Variants in ST6GALNAC3 observed in about 807,000 individuals in gnomAD.
ST6GALNAC3 encodes the protein ST6 N-acetylgalactosaminide alpha-2,6-sialyltransferase 3, also known as alpha-N-acetylgalactosaminide alpha-2,6-sialyltransferase 3.
In ST6GALNAC3, 25 loss-of-function variants were observed where a neutral mutation model predicts 32.7. The ratio of observed to expected loss-of-function variants is 0.76; its 90% CI spans 0.56 to 1.07. ST6GALNAC3 has a LOEUF of 1.07. ST6GALNAC3 is among the 50% of genes least tolerant of loss of function. ST6GALNAC3 has a pLI of 0.00. For missense variants in ST6GALNAC3, 355 were observed against 382.4 expected, an observed-to-expected ratio of 0.93 and a Z score of 0.60; for synonymous variants, 129 against 133.1, an observed-to-expected ratio of 0.97 and a Z score of 0.21.
chr1:76,411,493 G>C (rs975063922), intron 2 of ST6GALNAC3, among the ~76,000 whole-genome samples: 1 of 152,108 alleles, frequency 6.6e-6, no homozygotes, highest in Admixed American at 6.6e-5. Flanking sequence ...ACCTTAAGTA[G>C]TTACTGGTTC....
At chr1:76,077,637 G>C (rs896714269) in intron 1 of ST6GALNAC3, among the ~76,000 whole-genome samples, 1 of 152,124 alleles carries the variant, frequency 6.6e-6, no homozygotes, top group African/African-American at 2.4e-5. Flanking sequence ...ATGGAAAATA[G>C]GTGAGTGTTT....
chr1:76,516,063 G>A (rs1343909509), intron 3 of ST6GALNAC3, among the ~76,000 whole-genome samples: 8 of 152,044 alleles, frequency 5.3e-5, no homozygotes, highest in African/African-American at 7.2e-5. Flanking sequence ...CTAATAATAC[G>A]TACTTTATAT....
At chr1:76,392,704 G>A (rs933118059) in intron 2 of ST6GALNAC3, among the ~76,000 whole-genome samples, 3 of 152,152 alleles carry the variant, frequency 2.0e-5, no homozygotes, top group African/African-American at 7.2e-5. Flanking sequence ...TGGTGGCAAT[G>A]TCATCCAATT....
intron 3 of ST6GALNAC3, among the ~76,000 whole-genome samples, chr1:76,422,433 A>T (rs570616188): frequency 4.6e-5 from 7 of 152,168 alleles, no homozygotes; most frequent in Admixed American, 4.6e-4. Flanking sequence ...GGTCTGACTG[A>T]TTTTTATTCT....
chr1:76,395,654 G>C (rs1037043283), intron 2 of ST6GALNAC3, among the ~76,000 whole-genome samples: 1 of 152,046 alleles, frequency 6.6e-6, no homozygotes, highest in Non-Finnish European at 1.5e-5. Flanking sequence ...AAAAGAATCA[G>C]ATCCTGCCAT....
intron 3 of ST6GALNAC3, among the ~76,000 whole-genome samples, chr1:76,527,898 A>C (rs1011232748): frequency 6.6e-6 from 1 of 152,138 alleles, no homozygotes; most frequent in East Asian, 1.9e-4. Flanking sequence ...TATCAGCAGA[A>C]AAATAAAATA....
intron 1 of ST6GALNAC3, among the ~76,000 whole-genome samples, chr1:76,284,338 G>T (rs765205241): frequency 1.3e-5 from 2 of 152,160 alleles, no homozygotes; most frequent in Admixed American, 6.5e-5. Flanking sequence ...CAGTCAAAAA[G>T]TTCTTCTAAA....
chr1:76,195,706 G>C (rs1200547155), intron 1 of ST6GALNAC3, among the ~76,000 whole-genome samples: 1 of 152,222 alleles, frequency 6.6e-6, no homozygotes, highest in Non-Finnish European at 1.5e-5. Context: ...CACAAAGACA[G>C]TTTTGACCTT....
At chr1:76,476,747 C>T (rs558725210) in intron 3 of ST6GALNAC3, among the ~76,000 whole-genome samples, 1 of 152,156 alleles carries the variant, frequency 6.6e-6, no homozygotes, top group South Asian at 2.1e-4. Flanking sequence ...GCCATTAAAA[C>T]CTTCAACTGA....
At chr1:76,424,921 A>C (rs1655266605) in intron 3 of ST6GALNAC3, among the ~76,000 whole-genome samples, 1 of 151,920 alleles carries the variant, frequency 6.6e-6, no homozygotes, top group East Asian at 1.9e-4. Context: ...GTGGTTGCTA[A>C]AGCTAGATGT....
intron 2 of ST6GALNAC3, among the ~76,000 whole-genome samples, chr1:76,405,945 C>G (rs1653798423): frequency 6.6e-6 from 1 of 152,000 alleles, no homozygotes; most frequent in Admixed American, 6.6e-5. Flanking sequence ...AATATCTACA[C>G]TTTCCCCCCA....
chr1:76,475,936 G>A (rs1659327530), intron 3 of ST6GALNAC3, among the ~76,000 whole-genome samples: 1 of 152,120 alleles, frequency 6.6e-6, no homozygotes, highest in Admixed American at 6.5e-5. Flanking sequence ...ACTTATAGGT[G>A]AGAACATGCG....
At chr1:76,484,071 A>T (rs1037256755) in intron 3 of ST6GALNAC3, among the ~76,000 whole-genome samples, 1 of 151,984 alleles carries the variant, frequency 6.6e-6, no homozygotes, top group Non-Finnish European at 1.5e-5. Flanking sequence ...CTTCTGTTCC[A>T]TTAGTCTATA....
chr1:76,134,199 T>C (rs1649791885), intron 1 of ST6GALNAC3, among the ~76,000 whole-genome samples: 1 of 152,108 alleles, frequency 6.6e-6, no homozygotes, highest in African/African-American at 2.4e-5. Context: ...GGTCACAAGA[T>C]GGCTGCTTCC....
intron 3 of ST6GALNAC3, among the ~76,000 whole-genome samples, chr1:76,557,061 G>A (rs377315110): frequency 6.9e-6 from 1 of 145,474 alleles, no homozygotes; most frequent in Admixed American, 6.8e-5. Context: ...TGTGAGGAAG[G>A]TGTCTAACTT....
intron 3 of ST6GALNAC3, among the ~76,000 whole-genome samples, chr1:76,446,785 T>C (rs1297668152): frequency 2.0e-5 from 3 of 152,218 alleles, no homozygotes; most frequent in African/African-American, 4.8e-5. Context: ...CTGCCATCCC[T>C]GTAAGCCTTG....
At chr1:76,131,595 A>C (rs1455229576) in intron 1 of ST6GALNAC3, among the ~76,000 whole-genome samples, 2 of 152,208 alleles carry the variant, frequency 1.3e-5, no homozygotes, top group African/African-American at 4.8e-5. Flanking sequence ...TTTGGCCTGC[A>C]ATAGTCCAAG....
intron 1 of ST6GALNAC3, among the ~76,000 whole-genome samples, chr1:76,264,901 T>C (rs1238993549): frequency 1.4e-5 from 1 of 72,616 alleles, no homozygotes; most frequent in Non-Finnish European, 3.0e-5. Context: ...TCTAGTGCTC[T>C]TTTTTTTTTT....
chr1:76,494,951 A>G (rs1660762373), intron 3 of ST6GALNAC3, among the ~76,000 whole-genome samples: 1 of 152,122 alleles, frequency 6.6e-6, no homozygotes, highest in Non-Finnish European at 1.5e-5. Context: ...TGAAGGCTGA[A>G]AAACATGATG....
Sources: gnomAD v4.1 joint callset for allele counts (sites outside exome capture counted in the v4.1 genomes callset) on GRCh38, gnomAD v4.1.1 for gene constraint, MANE v1.5 for transcripts, NCBI Gene and HGNC (gene_info 2026-07-23, HGNC 2026-07-21) for gene names.